Variants in AGL observed in about 807,000 individuals in gnomAD.
AGL encodes glycogen debranching enzyme.
A neutral mutation model predicts 199.3 loss-of-function variants in AGL; 128 were observed. That is an observed-to-expected ratio of 0.64 (90% CI 0.56 to 0.74). The LOEUF (loss-of-function observed/expected upper bound fraction) is 0.74, where lower values mean the gene tolerates loss of function less well. AGL is among the 30% of genes least tolerant of loss of function. The probability of loss-of-function intolerance (pLI) is 0.00; values close to 1 mark genes in which losing one functional copy is unlikely to be tolerated. For missense variants in AGL, 1,809 were observed against 1,820.8 expected (o/e 0.99, Z 0.12); for synonymous variants, 584 against 594.7 (o/e 0.98, Z 0.26).
chr1:99,861,853 T>C (rs1650067401), intron 3 of AGL, 140 bp downstream of exon 3: 6 of 1,008,530 alleles, frequency 5.9e-6, no homozygotes, highest in Non-Finnish European at 9.1e-6. Context: ...AGAATATTCT[T>C]TGATTTCTAG....
rs200553466 is a variant in AGL at position 99,912,389 on chromosome 1, C to T, written c.3837-16C>T. The T allele has an allele frequency of 1.1e-5, 17 of 1,603,218 alleles. No homozygotes were observed. The highest frequency in any genetic ancestry group is 1.0e-4 in the Admixed American group (6 of 59,906). ...GACGCCAACTTAAAGAATAAAAATA[C>T]GTTTTTTAATTTTAGAGATGGGTCT... On this transcript the variant is annotated splice_polypyrimidine_tract_variant and intron_variant, in intron 28 of 33. Coordinates refer to ENST00000361915, the MANE Select transcript of AGL (RefSeq NM_000642.3).
intron 29 of AGL, among the ~76,000 whole-genome samples, chr1:99,912,751 T>G (rs1265155032): frequency 1.3e-5 from 2 of 152,246 alleles, no homozygotes; most frequent in African/African-American, 4.8e-5. Flanking sequence ...ATTGTGCATG[T>G]CTTTTTCCTC....
chr1:99,878,242 G>A (rs1014134887), intron 12 of AGL, among the ~76,000 whole-genome samples: 5 of 151,960 alleles, frequency 3.3e-5, no homozygotes, highest in Non-Finnish European at 5.9e-5. Context: ...CTACTCGGGC[G>A]GCTGAGGCAG....
intron 20 of AGL, 84 bp downstream of exon 20, chr1:99,884,787 C>T (rs920308327): frequency 1.3e-6 from 2 of 1,517,140 alleles, no homozygotes; most frequent in Non-Finnish European, 1.8e-6. Flanking sequence ...TAAGGGTCCT[C>T]TATATCCTTG....
chr1:99,866,895 C>G (rs968813729), intron 5 of AGL, among the ~76,000 whole-genome samples: 1 of 151,744 alleles, frequency 6.6e-6, no homozygotes, highest in African/African-American at 2.4e-5. Context: ...CTCGGCTCAC[C>G]GCAACCTCCA....
Position 99,881,237 on chromosome 1 carries a change from A to T in AGL, c.2002-55A>T, listed in dbSNP as rs74855268. 1,168 of 1,611,558 alleles carry T rather than the reference A, an allele frequency of 7.2e-4. 7 individuals are homozygous for T. In the African/African-American group the frequency reaches 0.012, roughly 17 times the overall value. On this transcript the variant is annotated intron_variant, in intron 15 of 33. Transcript: ENST00000361915. ...GCCAACAACTTTGGGCATTTTTATT[A>T]AAAAAAATTCATTGTAATTAAGATG...
Position 99,892,481 on chromosome 1 carries a change from G to A in AGL, c.3133G>A (p.Val1045Ile). ...TFVKHLSLGS[V>I]QLCGVGKFPS... is the part of the protein sequence containing the mutation. ...TGTGAAACACCTTTCATTGGGTTCA[G>A]TTCAACTGTGTGGAGTAGGAAAATT... Residue 1045 changes from valine to isoleucine, a missense_variant, in exon 24 of 34, where the codon GTT (valine) becomes ATT (isoleucine). Coordinates refer to ENST00000361915, the MANE Select transcript of AGL (RefSeq NM_000642.3). The A allele has an allele frequency of 6.2e-7, 1 of 1,613,574 alleles. No homozygotes were observed. The highest frequency in any genetic ancestry group is 1.1e-5 in the South Asian group (1 of 91,060).
chr1:99,871,417 C>G (rs569934826), intron 7 of AGL, among the ~76,000 whole-genome samples: 1 of 150,292 alleles, frequency 6.7e-6, no homozygotes, highest in Non-Finnish European at 1.5e-5. Context: ...TGTGCCCCCC[C>G]CCCCCCAACA....
chr1:99,882,335 G>C (rs981354330), intron 17 of AGL, among the ~76,000 whole-genome samples: 1 of 152,090 alleles, frequency 6.6e-6, no homozygotes, highest in African/African-American at 2.4e-5. Context: ...TTGTGTTAGT[G>C]TATATGTATA....
Position 99,913,549 on chromosome 1 carries a change from T to C in AGL, c.3972T>C (p.Tyr1324=), listed in dbSNP as rs768746665. The change falls in exon 30 of 34, where the codon TAT becomes TAC. Residue 1324 remains tyrosine (Y), a synonymous_variant. Transcript: ENST00000361915. ...CAGGAAAGGCTATAAAGGTCTCATA[T>C]GATGAGTGGAACAGAAAAATACAAG... The part of the protein sequence containing the change: ...KRHGKAIKVS[Y]DEWNRKIQDN... 10 of 1,613,686 alleles carry C rather than the reference T, an allele frequency of 6.2e-6. No individual in the cohort carries two copies. The Admixed American group carries it at 1.0e-4, about 16-fold the overall frequency.
chr1:99,884,736 C>T, intron 20 of AGL, 33 bp downstream of exon 20: 6 of 1,611,910 alleles, frequency 3.7e-6, no homozygotes, highest in Non-Finnish European at 5.1e-6. Flanking sequence ...AGATTTGCCA[C>T]CTTAATAAGT....
chr1:99,873,604 C>T (rs1022964427), intron 7 of AGL, among the ~76,000 whole-genome samples: 5 of 152,008 alleles, frequency 3.3e-5, no homozygotes, highest in African/African-American at 9.6e-5. Flanking sequence ...CCAGCTAATT[C>T]TGTATTTTTA....
At chr1:99,861,072 T>C (rs1649990215) in intron 2 of AGL, 2 of 549,754 alleles carry the variant, frequency 3.6e-6, no homozygotes, top group Non-Finnish European at 4.9e-6. Context: ...TTACAGACTA[T>C]CACATACTTT....
At chr1:99,909,229 ACAT>A (rs145238686) in intron 27 of AGL, among the ~76,000 whole-genome samples, 4,736 of 152,068 alleles carry the variant, frequency 0.031, 112 homozygotes, top group Non-Finnish European at 0.046. Context: ...GTTTGTGCTA[ACAT>A]CATGCAGCAG....
At position 99,902,681 on chromosome 1, in the gene AGL, A is replaced by G; in HGVS notation, c.3589-2A>G. 6.2e-7 allele frequency: 1 copy of G among 1,610,380 alleles called. No individual in the cohort carries two copies. The highest frequency in any genetic ancestry group is 8.5e-7 in the Non-Finnish European group (1 of 1,176,830). ...AGGTAACACCCATTATGTCTCAAAC[A>G]GGATCAGCCATTGTTTGAAGTCATA... On this transcript the variant is annotated splice_acceptor_variant, in intron 26 of 33. Transcript: ENST00000361915. LOFTEE classifies it high-confidence loss of function.
chr1:99,850,807 AAAC>A (rs528149531), intron 1 of AGL, 165 bp from the exon 2 acceptor site: 702 of 533,100 alleles, frequency 1.3e-3, no homozygotes, highest in African/African-American at 0.012. Context: ...CAAAGGCAGG[AAAC>A]AACTATTAAT....
intron 33 of AGL, among the ~76,000 whole-genome samples, chr1:99,919,767 C>T (rs1439244465): frequency 6.6e-6 from 1 of 152,182 alleles, no homozygotes; most frequent in East Asian, 1.9e-4. Context: ...GCCATCACCA[C>T]CACATAGAGT....
chr1:99,850,935 A>G (rs1454867156), intron 1 of AGL, 40 bp from the exon 2 acceptor site: 2 of 927,276 alleles, frequency 2.2e-6, no homozygotes, highest in African/African-American at 3.3e-5. Context: ...GTTTAAGGCA[A>G]TAGTTATTTT....
chr1:99,883,280 G>T (rs1016571250), intron 17 of AGL, among the ~76,000 whole-genome samples: 2 of 152,068 alleles, frequency 1.3e-5, no homozygotes, highest in African/African-American at 4.8e-5. Context: ...TAAAGCTTAA[G>T]TTATTTAAAG....
Sources: gnomAD v4.1 joint callset for allele counts (sites outside exome capture counted in the v4.1 genomes callset) on GRCh38, gnomAD v4.1.1 for gene constraint, MANE v1.5 for transcripts, NCBI Gene and HGNC (gene_info 2026-07-23, HGNC 2026-07-21) for gene names.